Variants in SCG5 observed in about 807,000 individuals in gnomAD.
SCG5 encodes secretogranin V, also known as neuroendocrine protein 7B2.
In SCG5, 18 loss-of-function variants were observed where a neutral mutation model predicts 25.7. That is an observed-to-expected ratio of 0.70 (90% CI 0.48 to 1.04). SCG5 has a LOEUF of 1.04. Among genes scored for constraint, SCG5 ranks in the 50% least tolerant of loss-of-function variants. SCG5 has a pLI of 0.00. For missense variants in SCG5, 206 were observed against 259.8 expected, an observed-to-expected ratio of 0.79 and a Z score of 1.42; for synonymous variants, 101 against 91.7, an observed-to-expected ratio of 1.10 and a Z score of -0.58.
At chr15:32,690,034 G>T (rs1315620123) in intron 4 of SCG5, among the ~76,000 whole-genome samples, 3 of 152,024 alleles carry the variant, frequency 2.0e-5, no homozygotes, top group Non-Finnish European at 4.4e-5. Context: ...GTAGAGACGG[G>T]GTTTCACCGT....
chr15:32,676,329 A>G (rs1242314807), intron 2 of SCG5, among the ~76,000 whole-genome samples: 1 of 152,210 alleles, frequency 6.6e-6, no homozygotes, highest in African/African-American at 2.4e-5. Flanking sequence ...CACAGAGGTA[A>G]ACGGAGCTTT....
At chr15:32,670,973 A>C (rs1352995152) in intron 2 of SCG5, among the ~76,000 whole-genome samples, 1 of 152,212 alleles carries the variant, frequency 6.6e-6, no homozygotes, top group African/African-American at 2.4e-5. Flanking sequence ...TAGATAGGAA[A>C]AGCAGCTAAC....
At chr15:32,663,925 A>G (rs2054278573) in intron 2 of SCG5, among the ~76,000 whole-genome samples, 1 of 152,194 alleles carries the variant, frequency 6.6e-6, no homozygotes, top group Non-Finnish European at 1.5e-5. Context: ...CGGCATGACA[A>G]CAGTGCATAT....
At chr15:32,678,211 C>T (rs1189032684) in intron 2 of SCG5, among the ~76,000 whole-genome samples, 1 of 152,124 alleles carries the variant, frequency 6.6e-6, no homozygotes, top group Non-Finnish European at 1.5e-5. Context: ...ACAAATCTGA[C>T]TACATAAATA....
At chr15:32,693,726 A>T (rs1484156164) in intron 5 of SCG5, among the ~76,000 whole-genome samples, 1 of 152,192 alleles carries the variant, frequency 6.6e-6, no homozygotes, top group Non-Finnish European at 1.5e-5. Flanking sequence ...GTGAAATGGG[A>T]ATCATGTTCT....
intron 2 of SCG5, among the ~76,000 whole-genome samples, chr15:32,676,119 A>T (rs576841880): frequency 1.3e-5 from 2 of 152,206 alleles, no homozygotes; most frequent in Admixed American, 6.5e-5. Context: ...TTAATTGTCT[A>T]TAAAATTCTA....
At chr15:32,684,045 G>A (rs559908097) in intron 3 of SCG5, among the ~76,000 whole-genome samples, 1 of 152,330 alleles carries the variant, frequency 6.6e-6, no homozygotes, top group South Asian at 2.1e-4. Context: ...GCTGTAGTGC[G>A]GTGGATGGTT....
chr15:32,648,196 A>G (rs1424542866), intron 2 of SCG5, among the ~76,000 whole-genome samples: 3 of 152,104 alleles, frequency 2.0e-5, no homozygotes, highest in African/African-American at 7.2e-5. Flanking sequence ...GATTTTCTCC[A>G]TCACACTTCA....
chr15:32,683,429 A>T (rs2054652175), intron 3 of SCG5, among the ~76,000 whole-genome samples: 1 of 152,224 alleles, frequency 6.6e-6, no homozygotes, highest in Admixed American at 6.5e-5. Context: ...CATGCCTAGT[A>T]ATAATAGAAT....
At chr15:32,659,122 G>C (rs1290205893) in intron 2 of SCG5, among the ~76,000 whole-genome samples, 1 of 152,094 alleles carries the variant, frequency 6.6e-6, no homozygotes, top group Non-Finnish European at 1.5e-5. Flanking sequence ...CTGGCAGTGA[G>C]CCGAGATGGC....
At chr15:32,665,037 T>C (rs1239017261) in intron 2 of SCG5, among the ~76,000 whole-genome samples, 3 of 152,232 alleles carry the variant, frequency 2.0e-5, no homozygotes, top group Admixed American at 2.0e-4. Flanking sequence ...AATGCAGATG[T>C]TGAGATGAGT....
intron 2 of SCG5, among the ~76,000 whole-genome samples, chr15:32,668,127 C>T (rs1239212524): frequency 3.9e-5 from 6 of 152,206 alleles, no homozygotes; most frequent in Non-Finnish European, 7.3e-5. Flanking sequence ...GTACACACCA[C>T]GTGCCTTCTC....
intron 2 of SCG5, among the ~76,000 whole-genome samples, chr15:32,663,919 A>C (rs1243278449): frequency 1.3e-5 from 2 of 152,344 alleles, no homozygotes; most frequent in East Asian, 3.8e-4. Flanking sequence ...TTGACTCGGC[A>C]TGACAACAGT....
chr15:32,663,315 T>C (rs907510624), intron 2 of SCG5, among the ~76,000 whole-genome samples: 3 of 151,868 alleles, frequency 2.0e-5, no homozygotes, highest in Admixed American at 6.6e-5. Flanking sequence ...GCCTCCTTAC[T>C]CCTTCCCTCA....
At chr15:32,659,051 C>T (rs1201212307) in intron 2 of SCG5, among the ~76,000 whole-genome samples, 1 of 152,108 alleles carries the variant, frequency 6.6e-6, no homozygotes, top group East Asian at 1.9e-4. Context: ...TGGCGGGCAC[C>T]TGTAGTCCCA....
In SCG5 at chr15:32,684,559, G is replaced by C. The variant is rs777203126; in HGVS notation, c.379G>C (p.Asp127His). The change falls in exon 4 of 6, where the codon GAT becomes CAT. Residue 127 changes from aspartate to histidine, a missense_variant and splice_region_variant. Physicochemically the swap from Asp to His is moderately conservative, Grantham distance 81. Coordinates refer to ENST00000300175, the MANE Select transcript of SCG5 (RefSeq NM_001144757.3). ...CAAAAACCTTTGGCTGTTTGCAGCA[G>C]ATGATGGATGTCTAGAAAACACCCC... ...PNPCPVGKTADDGCLENTPDT... is the reference protein window; with the variant it reads ...PNPCPVGKTAHDGCLENTPDT... 6.2e-7 allele frequency: 1 copy of C among 1,606,954 alleles called. No individual in the cohort carries two copies. Among genetic ancestry groups the C allele is most frequent in the Admixed American group, 1.7e-5 (1 of 59,826 alleles).
At chr15:32,661,868 A>G (rs1027174688) in intron 2 of SCG5, among the ~76,000 whole-genome samples, 2 of 152,166 alleles carry the variant, frequency 1.3e-5, no homozygotes, top group Non-Finnish European at 2.9e-5. Flanking sequence ...GATTGTTTAG[A>G]ATCGTACCAC....
intron 2 of SCG5, among the ~76,000 whole-genome samples, chr15:32,649,664 T>C (rs1236387584): frequency 6.6e-6 from 1 of 152,226 alleles, no homozygotes; most frequent in Non-Finnish European, 1.5e-5. Flanking sequence ...TTGGGGGTTA[T>C]GTTTAACTTC....
At chr15:32,693,847 C>CGCCTG (rs1450177090) in intron 5 of SCG5, among the ~76,000 whole-genome samples, 1 of 152,176 alleles carries the variant, frequency 6.6e-6, no homozygotes, top group East Asian at 1.9e-4. Flanking sequence ...TGGTGGCTCA[C>CGCCTG]GCCTGTAATC....
Sources: gnomAD v4.1 joint callset for allele counts (sites outside exome capture counted in the v4.1 genomes callset) on GRCh38, gnomAD v4.1.1 for gene constraint, MANE v1.5 for transcripts, NCBI Gene and HGNC (gene_info 2026-07-23, HGNC 2026-07-21) for gene names.